Variants in GLS2 observed in about 807,000 individuals in gnomAD.
GLS2 encodes the protein glutaminase liver isoform, mitochondrial.
GLS2 carries 52 observed loss-of-function variants against 79.0 expected under a neutral mutation model. That is an observed-to-expected ratio of 0.66 (90% confidence interval 0.53 to 0.83). The LOEUF is 0.83. Among genes scored for constraint, GLS2 ranks in the 40% least tolerant of loss-of-function variants. The pLI, the probability that GLS2 is intolerant of heterozygous loss-of-function variation, is 0.00. For missense variants in GLS2, 561 were observed against 764.8 expected (o/e 0.73, Z 3.14); for synonymous variants, 238 against 280.8 (o/e 0.85, Z 1.52).
At position 56,477,669 on chromosome 12, in the gene GLS2, G is replaced by A; in HGVS notation, c.828C>T (p.Ser276=). 1.2e-6 allele frequency: 2 copies of A among 1,613,394 alleles called. No individual in the cohort carries two copies. The highest frequency in any genetic ancestry group is 1.7e-6 in the Non-Finnish European group (2 of 1,179,724). ...MVNAGAIVVS[S]LIKMDCNKAE... ...TTAAGGTGGCACTGACCTTGATCAGGGAGCTGACAACAATGGCACCAGCAT... is the reference window on the plus strand; with the variant it reads ...TTAAGGTGGCACTGACCTTGATCAGAGAGCTGACAACAATGGCACCAGCAT... The change falls in exon 7 of 18, where the codon TCC becomes TCT. Residue 276 remains serine (S), a synonymous_variant. Coordinates refer to ENST00000311966, the MANE Select transcript of GLS2 (RefSeq NM_013267.4).
intron 1 of GLS2, among the ~76,000 whole-genome samples, chr12:56,486,668 C>T (rs1296067322): frequency 3.3e-5 from 5 of 152,146 alleles, no homozygotes; most frequent in African/African-American, 1.2e-4. Context: ...CGGTGAAACC[C>T]TGTCTCTACT....
At chr12:56,481,199 C>CTTTTTTTTT (rs767616017) in intron 1 of GLS2, among the ~76,000 whole-genome samples, 8 of 79,020 alleles carry the variant, frequency 1.0e-4, no homozygotes, top group Admixed American at 1.9e-4. Context: ...TGCCAGTGAT[C>CTTTTTTTTT]TTTTTTTTTT....
intron 12 of GLS2, 124 bp from the exon 13 acceptor site, chr12:56,473,718 T>C: frequency 8.1e-7 from 1 of 1,236,154 alleles, no homozygotes; most frequent in Admixed American, 3.1e-5. Context: ...CTCAACCTTT[T>C]GGCTTGTTAA....
chr12:56,474,942 C>T (rs1027019112), intron 10 of GLS2, 46 bp from the exon 11 acceptor site: 2 of 1,613,988 alleles, frequency 1.2e-6, no homozygotes, highest in Non-Finnish European at 1.7e-6. Flanking sequence ...GACATCAGCC[C>T]TTTCACACTG....
intron 7 of GLS2, chr12:56,476,933 G>A (rs542065815): frequency 1.6e-4 from 24 of 152,246 alleles, no homozygotes; most frequent in African/African-American, 5.5e-4. Context: ...GATGGGAATG[G>A]GATGAGGCAG....
In GLS2 at chr12:56,475,113, G is replaced by A. The variant is rs1869689873; in HGVS notation, c.930-3C>T. 6.2e-7 allele frequency: 1 copy of A among 1,613,890 alleles called. No individual in the cohort carries two copies. The highest frequency in any genetic ancestry group is 1.1e-5 in the South Asian group (1 of 91,086). On this transcript the variant is annotated splice_region_variant and splice_polypyrimidine_tract_variant and intron_variant, in intron 9 of 17. Transcript: ENST00000311966. ...CTGTTTCCTTCTCTGACTGGAATCT[G>A]AAGCAAACACCCAATTTAGTACTTG...
chr12:56,475,113 G>T lies in GLS2; in HGVS notation c.930-3C>A. On this transcript the variant is annotated splice_region_variant and splice_polypyrimidine_tract_variant and intron_variant, in intron 9 of 17. Coordinates refer to ENST00000311966, the MANE Select transcript of GLS2 (RefSeq NM_013267.4). ...CTGTTTCCTTCTCTGACTGGAATCT[G>T]AAGCAAACACCCAATTTAGTACTTG... 6.2e-7 allele frequency: 1 copy of T among 1,614,008 alleles called. No homozygotes were observed. The highest frequency in any genetic ancestry group is 8.5e-7 in the Non-Finnish European group (1 of 1,180,044).
Position 56,474,902 on chromosome 12 carries a change from A to G in GLS2, c.997-6T>C. The G allele has an allele frequency of 6.2e-7, 1 of 1,614,140 alleles. No individual in the cohort carries two copies. The stretch of plus-strand genomic sequence containing the variant: ...TCCACCCCCTTAGGAAAGCACTGCA[A>G]GGAAGAGAGGGGAGAGCATTTCTCT... On this transcript the variant is annotated splice_region_variant and splice_polypyrimidine_tract_variant and intron_variant, in intron 10 of 17. Coordinates refer to ENST00000311966, the MANE Select transcript of GLS2 (RefSeq NM_013267.4).
chr12:56,474,523 A>C lies in GLS2; in HGVS notation c.1224+21T>G, dbSNP rs760363195. 104 of 1,613,166 alleles carry C rather than the reference A, an allele frequency of 6.4e-5. No individual in the cohort carries two copies. The Middle Eastern group carries it at 9.9e-4, about 15-fold the overall frequency. The stretch of plus-strand genomic sequence containing the variant: ...TTAGCACTGGGCTCATGACAGATGG[A>C]TAGCAGAGCCAGAAACTCACGTGGA... On this transcript the variant is annotated intron_variant, in intron 12 of 17. Coordinates refer to ENST00000311966, the MANE Select transcript of GLS2 (RefSeq NM_013267.4).
chr12:56,484,732 T>C (rs1232852215), intron 1 of GLS2, among the ~76,000 whole-genome samples: 6 of 152,258 alleles, frequency 3.9e-5, no homozygotes, highest in African/African-American at 1.4e-4. Flanking sequence ...CCCTCAGATA[T>C]GGATGGATCA....
At chr12:56,479,502 A>T (rs978822914) in intron 3 of GLS2, 1 of 399,618 alleles carries the variant, frequency 2.5e-6, no homozygotes, top group Non-Finnish European at 4.4e-6. Flanking sequence ...TCATGTATGT[A>T]TGTCAGTACA....
chr12:56,474,579 C>T lies in GLS2; in HGVS notation c.1189G>A (p.Gly397Ser), dbSNP rs752169894. The change falls in exon 12 of 18, where the codon GGC becomes AGC. Residue 397 changes from glycine to serine, a missense_variant. Around this residue, in one of 4 missense-constraint regions of GLS2, gnomAD observed 221 missense variants for 275.6 expected, o/e 0.80. Coordinates refer to ENST00000311966, the MANE Select transcript of GLS2 (RefSeq NM_013267.4). ...RNTLSLMHSC[G>S]MYDFSGQFAF... ...AACTGGCCAGAGAAGTCATACATGCCGCAGGAATGCATGAGGCTGAGGGTG... is the reference window on the plus strand; with the variant it reads ...AACTGGCCAGAGAAGTCATACATGCTGCAGGAATGCATGAGGCTGAGGGTG... The T allele has an allele frequency of 1.1e-5, 17 of 1,614,010 alleles. No individual in the cohort carries two copies. The highest frequency in any genetic ancestry group is 5.5e-5 in the South Asian group (5 of 91,090).
chr12:56,477,322 A>G (rs554001160), intron 7 of GLS2: 5 of 203,276 alleles, frequency 2.5e-5, no homozygotes, highest in Admixed American at 5.5e-5. Flanking sequence ...TCAGTGCCCA[A>G]TAGTGCTGTC....
chr12:56,480,851 C>T (rs866221876), intron 1 of GLS2, among the ~76,000 whole-genome samples: 36 of 152,302 alleles, frequency 2.4e-4, no homozygotes, highest in Middle Eastern at 3.4e-3. Flanking sequence ...TCAAATCCAC[C>T]CTCTCCTCCT....
intron 16 of GLS2, 111 bp from the exon 17 acceptor site, chr12:56,471,947 C>T: frequency 3.0e-6 from 4 of 1,318,178 alleles, no homozygotes; most frequent in Middle Eastern, 2.5e-4. Context: ...GGCCTCTTCC[C>T]ATTTTGTACC....
chr12:56,478,438 C>T, intron 4 of GLS2, 176 bp from the exon 5 acceptor site: 1 of 627,434 alleles, frequency 1.6e-6, no homozygotes, highest in Non-Finnish European at 2.8e-6. Flanking sequence ...CCTAGAAGGC[C>T]ATATCTTTGT....
At chr12:56,477,042 TAC>T (rs1339495699) in intron 7 of GLS2, 1 of 152,212 alleles carries the variant, frequency 6.6e-6, no homozygotes, top group Non-Finnish European at 1.5e-5. Flanking sequence ...ATGTGTCAAC[TAC>T]AGAGTCAATA....
rs767887359 is a variant in GLS2 at position 56,480,499 on chromosome 12, CCTT to C, written c.183-115_183-113del. ...TGAGTGTCCTCATTCTATGCCTCCTCCTTAAGCCATCTGATCTATCCCTATAAA... is the reference window on the plus strand; with the variant it reads ...TGAGTGTCCTCATTCTATGCCTCCTCAAGCCATCTGATCTATCCCTATAAA... On this transcript the variant is annotated intron_variant, in intron 1 of 17. Coordinates refer to ENST00000311966, the MANE Select transcript of GLS2 (RefSeq NM_013267.4). 3.1e-5 allele frequency: 24 copies of C among 773,704 alleles called. 2 individuals are homozygous for C. The South Asian group carries it at 3.5e-4, about 11-fold the overall frequency. 47.9% of individuals were successfully genotyped at this position (773,704 alleles called of 1,614,324 possible).
At chr12:56,476,172 T>TA in intron 7 of GLS2, 195 bp from the exon 8 acceptor site, 3 of 511,758 alleles carry the variant, frequency 5.9e-6, no homozygotes, top group Non-Finnish European at 1.0e-5. Context: ...TTTCTTTTTT[T>TA]TGAGACAGTC....
Sources: allele counts gnomAD v4.1 joint callset (sites outside exome capture counted in the v4.1 genomes callset), GRCh38; gene constraint gnomAD v4.1.1; regional missense constraint gnomAD v4.1.1; transcripts MANE v1.5; gene names NCBI Gene and HGNC (gene_info 2026-07-23, HGNC 2026-07-21).